RELN: variants seen among roughly 807,000 people sequenced by gnomAD.
The protein encoded by RELN is reelin.
RELN carries 108 observed loss-of-function variants against 427.6 expected under a neutral mutation model. The ratio of observed to expected loss-of-function variants is 0.25; its 90% CI spans 0.22 to 0.30. RELN has a LOEUF of 0.30. Ranked by LOEUF, RELN falls within the 10% of genes least tolerant of loss-of-function variation. The probability of loss-of-function intolerance (pLI) is 1.00; values close to 1 mark genes in which losing one functional copy is unlikely to be tolerated. For synonymous variants in RELN, 1,524 were observed against 1,513.4 expected (o/e 1.01, Z -0.16); for missense variants, 3,715 against 4,302.8 (o/e 0.86, Z 3.82).
chr7:103,913,343 C>CT (rs991177094), intron 2 of RELN, among the ~76,000 whole-genome samples: 2 of 152,126 alleles, frequency 1.3e-5, no homozygotes, highest in Admixed American at 1.3e-4. Flanking sequence ...TTACTAAATG[C>CT]TTTACTCTGC....
At chr7:103,842,236 A>G (rs1274200598) in intron 2 of RELN, among the ~76,000 whole-genome samples, 1 of 151,868 alleles carries the variant, frequency 6.6e-6, no homozygotes, top group African/African-American at 2.4e-5. Flanking sequence ...TAAAAGGGAT[A>G]TCTAAAGGCT....
rs373269642 is a variant in RELN at position 103,810,604 on chromosome 7, A to G, written c.473+22933T>C. On this transcript the variant is annotated intron_variant, in intron 3 of 64. Coordinates refer to ENST00000428762, the MANE Select transcript of RELN (RefSeq NM_005045.4). ...GGCGCGCCAACCTGGCAATCTCGCTATTATCTTAGTGCTCCTGGTTGCAGC... is the reference window on the plus strand; with the variant it reads ...GGCGCGCCAACCTGGCAATCTCGCTGTTATCTTAGTGCTCCTGGTTGCAGC... 1.2e-4 allele frequency among the ~76,000 whole-genome samples: 18 copies of G among 152,196 alleles called. No individual in the cohort carries two copies. In the East Asian group the frequency reaches 3.3e-3, roughly 28 times the overall value.
intron 64 of RELN, 79 bp downstream of exon 64, chr7:103,478,310 C>A: frequency 6.3e-6 from 4 of 638,944 alleles, no homozygotes; most frequent in South Asian, 3.7e-5. Context: ...AGGTGCTTTA[C>A]AAAACTTCTC....
intron 20 of RELN, among the ~76,000 whole-genome samples, chr7:103,625,170 A>C (rs1832303157): frequency 6.6e-6 from 1 of 152,204 alleles, no homozygotes; most frequent in Non-Finnish European, 1.5e-5. Context: ...AGGATCCTTC[A>C]GGTATGGGAT....
At chr7:103,889,127 G>A (rs1461486926) in intron 2 of RELN, among the ~76,000 whole-genome samples, 1 of 152,206 alleles carries the variant, frequency 6.6e-6, no homozygotes, top group Non-Finnish European at 1.5e-5. Context: ...ATTGTGTCAG[G>A]AGCAGAGAGA....
chr7:103,765,692 T>C (rs561560235), intron 4 of RELN, among the ~76,000 whole-genome samples: 7 of 152,342 alleles, frequency 4.6e-5, no homozygotes, highest in African/African-American at 1.7e-4. Flanking sequence ...ACTTGGTCTT[T>C]GTCCTTCAAA....
intron 2 of RELN, among the ~76,000 whole-genome samples, chr7:103,870,726 C>T (rs907601958): frequency 6.6e-6 from 1 of 152,112 alleles, no homozygotes; most frequent in Admixed American, 6.6e-5. Context: ...CTTCTAGTAT[C>T]TCTATTTTGT....
In RELN at chr7:103,953,212, G is replaced by T. The variant is rs1274403266; in HGVS notation, c.226+35919C>A. On this transcript the variant is annotated intron_variant, in intron 1 of 64. Transcript: ENST00000428762. This position sits in a 1 kb window ranked among gnomAD's most constrained non-coding sequence, Gnocchi z 4.3. ...GTCTTCCCATGGAAGACAAGCCCTTGAAAGTATCCTCAACTCATATTTATT... is the reference window on the plus strand; with the variant it reads ...GTCTTCCCATGGAAGACAAGCCCTTTAAAGTATCCTCAACTCATATTTATT... 6.6e-6 allele frequency among the ~76,000 whole-genome samples: 1 copy of T among 152,214 alleles called. No individual in the cohort carries two copies. Among genetic ancestry groups the T allele is most frequent in the East Asian group, 1.9e-4 (1 of 5,196 alleles).
At chr7:103,479,589 G>C (rs1211622729) in intron 63 of RELN, among the ~76,000 whole-genome samples, 2 of 152,172 alleles carry the variant, frequency 1.3e-5, no homozygotes, top group African/African-American at 2.4e-5. Context: ...ACAAGCATGA[G>C]AGACTGCTTG....
intron 4 of RELN, among the ~76,000 whole-genome samples, chr7:103,773,231 C>A (rs1791635246): frequency 9.3e-6 from 1 of 107,024 alleles, no homozygotes; most frequent in African/African-American, 5.1e-5. Context: ...CCCTCCCTCG[C>A]TCCCTCCCTG....
intron 2 of RELN, among the ~76,000 whole-genome samples, chr7:103,855,482 G>T (rs1318871518): frequency 2.0e-5 from 3 of 152,224 alleles, no homozygotes; most frequent in African/African-American, 7.2e-5. Flanking sequence ...AACATGCCTG[G>T]AAGATCCCTG....
At position 103,522,003 on chromosome 7, in the gene RELN, C is replaced by A. The variant is rs1829718873; in HGVS notation, c.7668+19G>T. On this transcript the variant is annotated intron_variant, in intron 48 of 64. Transcript: ENST00000428762. ...ACTTAAGAAGAGCAGAAATGAGTAA[C>A]CAGCAGCCAAACACTCACCCCACTG... 6.2e-7 allele frequency: 1 copy of A among 1,613,432 alleles called. No individual in the cohort carries two copies. The highest frequency in any genetic ancestry group is 1.1e-5 in the South Asian group (1 of 91,056).
At chr7:103,600,396 C>G (rs1383733864) in intron 24 of RELN, among the ~76,000 whole-genome samples, 1 of 152,192 alleles carries the variant, frequency 6.6e-6, no homozygotes, top group African/African-American at 2.4e-5. Context: ...GACACTGTGA[C>G]TGGCCGCCAG....
At chr7:103,700,199 C>T (rs1188245646) in intron 9 of RELN, among the ~76,000 whole-genome samples, 1 of 151,870 alleles carries the variant, frequency 6.6e-6, no homozygotes, top group Admixed American at 6.6e-5. Flanking sequence ...GCATTTTTTC[C>T]TTTAAATATC....
intron 12 of RELN, among the ~76,000 whole-genome samples, chr7:103,655,154 T>C (rs897429284): frequency 2.0e-5 from 3 of 152,006 alleles, no homozygotes; most frequent in Non-Finnish European, 2.9e-5. Context: ...ATTAACTGTC[T>C]GTATAACCTG....
At chr7:103,649,275 G>A (rs73402478) in intron 16 of RELN, among the ~76,000 whole-genome samples, 5,121 of 152,064 alleles carry the variant, frequency 0.034, 300 homozygotes, top group African/African-American at 0.12. Context: ...ATGAAATCGT[G>A]TCTTTTGCTA....
At chr7:103,658,042 T>C (rs1035081374) in intron 12 of RELN, among the ~76,000 whole-genome samples, 1 of 152,130 alleles carries the variant, frequency 6.6e-6, no homozygotes, top group Non-Finnish European at 1.5e-5. Context: ...AGATGCCTAG[T>C]AAATATTTGT....
chr7:103,728,499 A>G (rs921537225), intron 6 of RELN, among the ~76,000 whole-genome samples: 38 of 152,126 alleles, frequency 2.5e-4, no homozygotes, highest in Non-Finnish European at 3.4e-4. Context: ...TAAATCTCAC[A>G]TAGTTATTGT....
intron 6 of RELN, among the ~76,000 whole-genome samples, chr7:103,729,915 GT>G (rs3216270): frequency 8.7e-5 from 13 of 148,676 alleles, no homozygotes; most frequent in South Asian, 2.1e-4. Flanking sequence ...TTATATTAGG[GT>G]TTTTTTTTTC....
Sources: allele counts gnomAD v4.1 joint callset (sites outside exome capture counted in the v4.1 genomes callset), GRCh38; gene constraint gnomAD v4.1.1; non-coding constraint Gnocchi (gnomAD v3.1); transcripts MANE v1.5; gene names NCBI Gene and HGNC (gene_info 2026-07-23, HGNC 2026-07-21).